P3H2: variants seen among roughly 807,000 people sequenced by gnomAD.
P3H2 encodes prolyl 3-hydroxylase 2.
P3H2 carries 80 observed loss-of-function variants against 87.0 expected under a neutral mutation model. That is an observed-to-expected ratio of 0.92 (90% CI 0.77 to 1.11). The LOEUF (loss-of-function observed/expected upper bound fraction) is 1.11. P3H2 is among the 50% of genes least tolerant of loss of function. The pLI is 0.00. For synonymous variants in P3H2, 367 were observed against 359.3 expected, an observed-to-expected ratio of 1.02 and a Z score of -0.24; for missense variants, 1,001 against 923.9, an observed-to-expected ratio of 1.08 and a Z score of -1.08.
intron 1 of P3H2, among the ~76,000 whole-genome samples, chr3:190,043,324 C>T (rs1725700267): frequency 6.6e-6 from 1 of 152,150 alleles, no homozygotes; most frequent in Non-Finnish European, 1.5e-5. Context: ...GAGTTGCTAA[C>T]CTCCAGGAAG....
At chr3:189,967,112 G>A (rs1325503221) in intron 13 of P3H2, among the ~76,000 whole-genome samples, 2 of 151,980 alleles carry the variant, frequency 1.3e-5, no homozygotes, top group African/African-American at 4.8e-5. Context: ...AACTTCCTGT[G>A]GGGAAAGATA....
chr3:190,075,324 A>T (rs1423345297), intron 1 of P3H2, among the ~76,000 whole-genome samples: 1 of 152,060 alleles, frequency 6.6e-6, no homozygotes, highest in Non-Finnish European at 1.5e-5. Flanking sequence ...TGTCTCTACT[A>T]AAAATACAAA....
intron 1 of P3H2, among the ~76,000 whole-genome samples, chr3:190,082,310 G>A (rs941971639): frequency 5.3e-5 from 8 of 152,096 alleles, no homozygotes; most frequent in African/African-American, 1.7e-4. Context: ...CTTAGCTTGA[G>A]GCGAACCTGG....
intron 1 of P3H2, among the ~76,000 whole-genome samples, chr3:190,099,755 G>GA (rs1711553653): frequency 6.6e-6 from 1 of 152,168 alleles, no homozygotes; most frequent in Admixed American, 6.5e-5. Context: ...TAGCATTATG[G>GA]AAAATAAGGA....
chr3:190,039,172 A>G (rs1238707764), intron 1 of P3H2, among the ~76,000 whole-genome samples: 1 of 142,878 alleles, frequency 7.0e-6, no homozygotes, highest in East Asian at 2.1e-4. Flanking sequence ...CTGGACAACA[A>G]AAGCGAAACT....
At chr3:190,076,185 A>ACACAC (rs889167990) in intron 1 of P3H2, among the ~76,000 whole-genome samples, 5 of 151,844 alleles carry the variant, frequency 3.3e-5, no homozygotes, top group Non-Finnish European at 7.4e-5. Context: ...ACACATGCAC[A>ACACAC]CACACACACA....
At chr3:189,974,924 G>C (rs1723303455) in intron 8 of P3H2, among the ~76,000 whole-genome samples, 1 of 152,122 alleles carries the variant, frequency 6.6e-6, no homozygotes, top group Non-Finnish European at 1.5e-5. Flanking sequence ...ATTATTTTGG[G>C]AGAGATAGAA....
At chr3:190,070,167 AT>A (rs1726651689) in intron 1 of P3H2, among the ~76,000 whole-genome samples, 1 of 152,108 alleles carries the variant, frequency 6.6e-6, no homozygotes, top group Non-Finnish European at 1.5e-5. Context: ...AGATCCAGGG[AT>A]TTAGTCAAAA....
chr3:190,055,764 C>A (rs971081710), intron 1 of P3H2, among the ~76,000 whole-genome samples: 2 of 152,146 alleles, frequency 1.3e-5, no homozygotes, highest in African/African-American at 4.8e-5. Flanking sequence ...ACACTCCTGG[C>A]TCTTCTGATT....
In P3H2 at chr3:189,994,102, G is replaced by C; in HGVS notation, c.815C>G (p.Ala272Gly). Residue 272 changes from alanine to glycine, a missense_variant, in exon 3 of 15, where the codon GCT (alanine) becomes GGT (glycine). Coordinates refer to ENST00000319332, the MANE Select transcript of P3H2 (RefSeq NM_018192.4). The part of the protein sequence containing the change: ...YLGYKAGLYE[A>G]IADHYMQVLV... ...AAAAATTAAGCTTTTACCTGCAATA[G>C]CTTCATACAGACCAGCCTTATACCC... 2 of 1,610,800 alleles carry C rather than the reference G, an allele frequency of 1.2e-6. No homozygotes were observed. The highest frequency in any genetic ancestry group is 1.7e-6 in the Non-Finnish European group (2 of 1,177,836).
intron 1 of P3H2, among the ~76,000 whole-genome samples, chr3:190,015,867 G>T (rs1418865570): frequency 1.3e-5 from 2 of 152,198 alleles, no homozygotes; most frequent in African/African-American, 4.8e-5. Flanking sequence ...GAGATAAATG[G>T]TCCACTGGAA....
chr3:190,004,697 T>C (rs533495675), intron 1 of P3H2, among the ~76,000 whole-genome samples: 18 of 152,206 alleles, frequency 1.2e-4, no homozygotes, highest in Non-Finnish European at 2.2e-4. Flanking sequence ...CAATAATTTA[T>C]AGCACCAAGT....
At chr3:190,115,082 G>A (rs1010721760) in intron 1 of P3H2, among the ~76,000 whole-genome samples, 2 of 152,100 alleles carry the variant, frequency 1.3e-5, no homozygotes, top group African/African-American at 4.8e-5. Flanking sequence ...AATAGATTAT[G>A]GTCAAGATAA....
At chr3:190,066,938 T>C (rs1465434195) in intron 1 of P3H2, among the ~76,000 whole-genome samples, 1 of 152,078 alleles carries the variant, frequency 6.6e-6, no homozygotes, top group Non-Finnish European at 1.5e-5. Flanking sequence ...AAAGCTTTCT[T>C]TGACAGTCGC....
chr3:190,044,402 TG>T (rs753432124), intron 1 of P3H2, among the ~76,000 whole-genome samples: 6 of 152,354 alleles, frequency 3.9e-5, no homozygotes, highest in South Asian at 2.1e-4. Flanking sequence ...GCACATTCTC[TG>T]GGCTCTCAAT....
chr3:190,032,597 T>G (rs562462204), intron 1 of P3H2, among the ~76,000 whole-genome samples: 1 of 152,350 alleles, frequency 6.6e-6, no homozygotes, highest in Non-Finnish European at 1.5e-5. Context: ...TCAAAACCCA[T>G]GAGAACATTT....
intron 1 of P3H2, among the ~76,000 whole-genome samples, chr3:190,086,789 T>A (rs1019794168): frequency 1.3e-5 from 2 of 152,012 alleles, no homozygotes; most frequent in Admixed American, 6.6e-5. Flanking sequence ...CTCTCAAATA[T>A]CCAGGCATTG....
intron 1 of P3H2, among the ~76,000 whole-genome samples, chr3:190,011,962 A>T (rs1194900763): frequency 6.6e-6 from 1 of 152,112 alleles, no homozygotes; most frequent in African/African-American, 2.4e-5. Context: ...ACTACTTCTA[A>T]TTTTTTTCTT....
chr3:190,056,220 T>C (rs532325815), intron 1 of P3H2, among the ~76,000 whole-genome samples: 1 of 152,288 alleles, frequency 6.6e-6, no homozygotes, highest in South Asian at 2.1e-4. Flanking sequence ...TCCCGGACTT[T>C]TAACTTCTAG....
Sources: allele counts gnomAD v4.1 joint callset (sites outside exome capture counted in the v4.1 genomes callset), GRCh38; gene constraint gnomAD v4.1.1; transcripts MANE v1.5; gene names NCBI Gene and HGNC (gene_info 2026-07-23, HGNC 2026-07-21).